CCNB3: variants seen among roughly 807,000 people sequenced by gnomAD.
The protein encoded by CCNB3 is cyclin B3.
A neutral mutation model predicts 68.0 loss-of-function variants in CCNB3; 12 were observed. That is an observed-to-expected ratio of 0.18 (90% CI 0.11 to 0.29). The LOEUF is 0.29. CCNB3 is among the 10% of genes least tolerant of loss of function. CCNB3 has a pLI of 1.00. For synonymous variants in CCNB3, 354 were observed against 388.9 expected (o/e 0.91, Z 1.06); for missense variants, 904 against 993.1 (o/e 0.91, Z 1.21).
At chrX:50,297,030 C>A (rs1395940440) in intron 5 of CCNB3, among the ~76,000 whole-genome samples, 2 of 111,038 alleles carry the variant, frequency 1.8e-5, no homozygotes, top group Non-Finnish European at 3.8e-5. Flanking sequence ...TGGATATTAG[C>A]CCTTTGTCAG....
At chrX:50,307,521 A>T (rs1451951613) in intron 5 of CCNB3, among the ~76,000 whole-genome samples, 1 of 111,194 alleles carries the variant, frequency 9.0e-6, no homozygotes, top group Non-Finnish European at 1.9e-5. Context: ...GTCAAGCAGA[A>T]CCTTTTGAAG....
chrX:50,227,898 A>C (rs1471654342), intron 1 of CCNB3, among the ~76,000 whole-genome samples: 1 of 85,874 alleles, frequency 1.2e-5, no homozygotes, highest in Non-Finnish European at 2.1e-5. Flanking sequence ...ATATATAAAT[A>C]TATAGAGAGA....
At chrX:50,283,717 T>C (rs1022724193) in intron 1 of CCNB3, among the ~76,000 whole-genome samples, 2 of 110,941 alleles carry the variant, frequency 1.8e-5, no homozygotes, top group African/African-American at 6.5e-5. Context: ...TGTATGTTCA[T>C]GCCTCTGCCT....
intron 8 of CCNB3, among the ~76,000 whole-genome samples, chrX:50,339,710 T>C (rs782379969): frequency 1.8e-5 from 2 of 111,694 alleles, no homozygotes; most frequent in Non-Finnish European, 3.8e-5. Context: ...GCTTGGCTTC[T>C]GAGGAGGCCC....
chrX:50,320,912 T>C (rs1025408021), intron 8 of CCNB3, among the ~76,000 whole-genome samples: 7 of 111,745 alleles, frequency 6.3e-5, no homozygotes, highest in African/African-American at 2.3e-4. Flanking sequence ...CCAGTCAAAC[T>C]GATGTATTTC....
intron 3 of CCNB3, among the ~76,000 whole-genome samples, chrX:50,287,905 C>G (rs782389395): frequency 1.1e-3 from 120 of 110,138 alleles, no homozygotes; most frequent in African/African-American, 3.9e-3. Context: ...ACTTCCTGAG[C>G]TCCACCTCCT....
intron 9 of CCNB3, among the ~76,000 whole-genome samples, chrX:50,346,090 C>A (rs1569543614): frequency 8.9e-6 from 1 of 112,010 alleles, no homozygotes; most frequent in African/African-American, 3.3e-5. Context: ...CTTGTCTGAC[C>A]TCTGGGTGCC....
chrX:50,332,433 C>T (rs1922641910), intron 8 of CCNB3, among the ~76,000 whole-genome samples: 1 of 111,817 alleles, frequency 8.9e-6, no homozygotes, highest in Non-Finnish European at 1.9e-5. Flanking sequence ...CTGATGTATA[C>T]ACTGACAGCA....
intron 1 of CCNB3, among the ~76,000 whole-genome samples, chrX:50,283,753 C>T (rs1396978714): frequency 9.0e-6 from 1 of 111,158 alleles, no homozygotes; most frequent in African/African-American, 3.3e-5. Context: ...TGCCTGGAAA[C>T]CTCCCAGTCA....
chrX:50,332,207 G>A (rs1290297303), intron 8 of CCNB3, among the ~76,000 whole-genome samples: 1 of 110,917 alleles, frequency 9.0e-6, no homozygotes, highest in Admixed American at 9.6e-5. Context: ...TATCATTTAC[G>A]AGTCCCCACC....
At chrX:50,217,481 C>G (rs1468774093) in intron 1 of CCNB3, among the ~76,000 whole-genome samples, 1 of 109,816 alleles carries the variant, frequency 9.1e-6, no homozygotes, top group Non-Finnish European at 1.9e-5. Flanking sequence ...ACCGTGTTAG[C>G]CAGGATGGTC....
At chrX:50,327,733 C>G (rs1489014265) in intron 8 of CCNB3, among the ~76,000 whole-genome samples, 1 of 112,051 alleles carries the variant, frequency 8.9e-6, no homozygotes, top group Non-Finnish European at 1.9e-5. Context: ...CGTCCCATCC[C>G]TTTCTCTTGA....
chrX:50,320,819 C>T (rs1473005733), intron 8 of CCNB3, among the ~76,000 whole-genome samples: 7 of 110,224 alleles, frequency 6.4e-5, no homozygotes, highest in African/African-American at 1.6e-4. Flanking sequence ...GGAACATACA[C>T]ATTTAGGATT....
intron 8 of CCNB3, among the ~76,000 whole-genome samples, chrX:50,320,047 T>C (rs1156710663): frequency 9.0e-6 from 1 of 111,412 alleles, no homozygotes; most frequent in Non-Finnish European, 1.9e-5. Flanking sequence ...TCTATGTTTA[T>C]GATGGATGTC....
At chrX:50,307,064 AAT>A (rs1173093897) in intron 5 of CCNB3, among the ~76,000 whole-genome samples, 1 of 111,544 alleles carries the variant, frequency 9.0e-6, no homozygotes, top group Non-Finnish European at 1.9e-5. Flanking sequence ...GTTTGGATGG[AAT>A]TGAAGCCATT....
At chrX:50,337,504 C>T (rs1380636192) in intron 8 of CCNB3, among the ~76,000 whole-genome samples, 1 of 111,145 alleles carries the variant, frequency 9.0e-6, no homozygotes, top group African/African-American at 3.3e-5. Flanking sequence ...CCCTGGCTTA[C>T]AGGTTCCCCT....
rs782030052 is a variant in CCNB3, at chrX:50,299,230, G to A, written c.335+4237G>A. On this transcript the variant is annotated intron_variant, in intron 5 of 12. Transcript: ENST00000376042. ...GTTCTTTTAATTGTGATGTTAGGGTGTCCATTTTAGATCTTTCCTGCTTTC... is the reference window on the plus strand; with the variant it reads ...GTTCTTTTAATTGTGATGTTAGGGTATCCATTTTAGATCTTTCCTGCTTTC... 1.7e-3 allele frequency among the ~76,000 whole-genome samples: 184 copies of A among 111,176 alleles called. 1 individual carries two copies. The highest frequency in any genetic ancestry group is 5.7e-3 in the African/African-American group (174 of 30,580).
chrX:50,225,787 G>A (rs1935745459), intron 1 of CCNB3, among the ~76,000 whole-genome samples: 1 of 107,540 alleles, frequency 9.3e-6, no homozygotes, highest in African/African-American at 3.4e-5. Context: ...TTGGGGAGGG[G>A]CTTGACAATT....
chrX:50,330,016 G>C (rs1402858055), intron 8 of CCNB3, among the ~76,000 whole-genome samples: 1 of 111,695 alleles, frequency 9.0e-6, no homozygotes, highest in African/African-American at 3.3e-5. Context: ...AGGACGAGTC[G>C]CAGACAAGAA....
Sources: gnomAD v4.1 joint callset for allele counts (sites outside exome capture counted in the v4.1 genomes callset) on GRCh38, gnomAD v4.1.1 for gene constraint, MANE v1.5 for transcripts, NCBI Gene and HGNC (gene_info 2026-07-23, HGNC 2026-07-21) for gene names.